The following PDXDC1 variants were observed in gnomAD, a reference collection of about 807,000 sequenced individuals.
The protein encoded by PDXDC1 is pyridoxal-dependent decarboxylase domain-containing protein 1.
PDXDC1 carries 42 observed loss-of-function variants against 100.1 expected under a neutral mutation model. The ratio of observed to expected loss-of-function variants is 0.42; its 90% CI spans 0.33 to 0.54. PDXDC1 has a LOEUF of 0.54. Ranked by LOEUF, PDXDC1 falls within the 20% of genes least tolerant of loss-of-function variation. The pLI is 0.10. For synonymous variants in PDXDC1, 260 were observed against 371.7 expected (o/e 0.70, Z 3.46); for missense variants, 636 against 979.2 (o/e 0.65, Z 4.68).
At chr16:15,016,294 T>G (rs2041792217) in intron 9 of PDXDC1, 81 bp downstream of exon 9, 4 of 1,558,954 alleles carry the variant, frequency 2.6e-6, no homozygotes, top group Middle Eastern at 1.7e-4. Context: ...GCTCTCACTT[T>G]GGTGACATTT....
At chr16:15,144,940 G>A in the PDXDC1 span, among the ~76,000 whole-genome samples, 1 of 152,170 alleles carries the variant, frequency 6.6e-6, no homozygotes, top group Non-Finnish European at 1.5e-5. Context: ...ATGAGGGCCG[G>A]CTCCTGGTGC....
intron 16 of PDXDC1, among the ~76,000 whole-genome samples, chr16:15,117,549 T>C (rs1251420562): frequency 1.3e-5 from 2 of 151,236 alleles, no homozygotes; most frequent in East Asian, 2.0e-4. Flanking sequence ...ACAAATTAGC[T>C]GGGCATGGTG....
downstream of PDXDC1, among the ~76,000 whole-genome samples, chr16:15,143,697 G>A (rs1300012165): frequency 6.6e-6 from 1 of 152,206 alleles, no homozygotes; most frequent in Non-Finnish European, 1.5e-5. Context: ...TGCAACAGTG[G>A]GACTGAGAAC....
chr16:15,030,363 A>T (rs1412070444), intron 16 of PDXDC1, among the ~76,000 whole-genome samples: 4 of 152,114 alleles, frequency 2.6e-5, no homozygotes, highest in Admixed American at 6.5e-5. Context: ...TGGCCAACAT[A>T]GTGAAATCCC....
chr16:15,125,174 A>G (rs1387757574), intron 16 of PDXDC1: 11 of 553,530 alleles, frequency 2.0e-5, no homozygotes, highest in Non-Finnish European at 3.4e-5. Context: ...AAAAAAAAAA[A>G]AAAAAGAAGC....
chr16:15,053,352 A>G (rs1396439164), intron 16 of PDXDC1, among the ~76,000 whole-genome samples: 1 of 152,150 alleles, frequency 6.6e-6, no homozygotes, highest in Admixed American at 6.5e-5. Context: ...CCACTGTATG[A>G]CTTATTGTTA....
chr16:15,094,076 A>C lies in PDXDC1; in HGVS notation c.1400-44803A>C, dbSNP rs2046251204. 17 of 1,385,104 alleles carry C rather than the reference A, an allele frequency of 1.2e-5. 1 individual carries two copies. In the South Asian group the frequency reaches 2.1e-4, roughly 17 times the overall value. The allele number at this position is 1,385,104 out of a possible 1,614,324, so 85.8% of individuals were successfully genotyped here. On this transcript the variant is annotated intron_variant, in intron 16 of 16. Transcript: ENST00000535621. ...ATGAGCTTTGTCCCACATCCTTTCA[A>C]TCCGCTCCTCTAAGCGCCGTCCTGA...
At chr16:14,994,958 T>TAAGA (rs1453715384) in intron 1 of PDXDC1, among the ~76,000 whole-genome samples, 3 of 152,302 alleles carry the variant, frequency 2.0e-5, no homozygotes, top group Non-Finnish European at 4.4e-5. Flanking sequence ...TATTGGTGTA[T>TAAGA]AAGAATGCTT....
chr16:15,145,214 G>A, the PDXDC1 span, among the ~76,000 whole-genome samples: 4 of 152,222 alleles, frequency 2.6e-5, no homozygotes, highest in African/African-American at 7.2e-5. Flanking sequence ...ATCTGCGCCC[G>A]GCTGTGCGGG....
chr16:15,085,818 C>T lies in PDXDC1; in HGVS notation c.1400-53061C>T, dbSNP rs566605107. 11 of 1,404,534 alleles carry T rather than the reference C, an allele frequency of 7.8e-6. 1 individual carries two copies. The South Asian group carries it at 1.4e-4, about 18-fold the overall frequency. 87.0% of individuals were successfully genotyped at this position (1,404,534 alleles called of 1,614,324 possible). On this transcript the variant is annotated intron_variant, in intron 16 of 16. Coordinates refer to the PDXDC1 transcript ENST00000535621. The stretch of plus-strand genomic sequence containing the variant: ...ATAAAAAAAGTTATTTTTCCATAAT[C>T]CAAAGTTAGCCCAATGATTAATTAA...
chr16:15,127,887 G>A lies in PDXDC1; in HGVS notation c.1400-10992G>A, dbSNP rs1422335272. The A allele has an allele frequency of 1.9e-6, 3 of 1,545,146 alleles. No individual in the cohort carries two copies. In the Admixed American group the frequency reaches 5.8e-5, roughly 30 times the overall value. ...CCAGCAGGCGCCGGAAGCGCAACAG[G>A]GCTGCGTGACCTAGAAGGCAGGGAG... On this transcript the variant is annotated intron_variant, in intron 16 of 16. Transcript: ENST00000535621.
intron 16 of PDXDC1, among the ~76,000 whole-genome samples, chr16:15,093,718 G>T (rs537499384): frequency 3.3e-5 from 5 of 152,278 alleles, no homozygotes; most frequent in Admixed American, 3.3e-4. Context: ...TAAAGACTGC[G>T]AAACAAATAC....
chr16:15,122,827 G>GAGGGGAAGGGC (rs2047493869), intron 16 of PDXDC1, among the ~76,000 whole-genome samples: 1 of 117,050 alleles, frequency 8.5e-6, no homozygotes, highest in African/African-American at 3.2e-5. Context: ...TGGGGAGGGG[G>GAGGGGAAGGGC]AGGGGAAGGG....
At chr16:15,076,151 A>T (rs2045446019) in intron 16 of PDXDC1, among the ~76,000 whole-genome samples, 1 of 152,148 alleles carries the variant, frequency 6.6e-6, no homozygotes, top group Non-Finnish European at 1.5e-5. Context: ...AGGGCACCTG[A>T]ATCCCTGTCT....
chr16:14,987,570 T>C (rs1969665614), intron 1 of PDXDC1, among the ~76,000 whole-genome samples: 1 of 152,290 alleles, frequency 6.6e-6, no homozygotes, highest in Non-Finnish European at 1.5e-5. Context: ...TCAGAAATTA[T>C]TTGACATTCT....
intron 16 of PDXDC1, among the ~76,000 whole-genome samples, chr16:15,046,410 C>A (rs1000829647): frequency 6.6e-6 from 1 of 152,154 alleles, no homozygotes; most frequent in Admixed American, 6.5e-5. Context: ...GAACAGTGGT[C>A]TTGACAGCAG....
At chr16:15,044,750 G>A (rs1441922380) in intron 16 of PDXDC1, 1 of 262,402 alleles carries the variant, frequency 3.8e-6, no homozygotes, top group Non-Finnish European at 7.3e-6. Flanking sequence ...TTGGGAGGCT[G>A]AGGTGGGCGG....
intron 16 of PDXDC1, chr16:15,084,655 T>C (rs759038667): frequency 3.0e-5 from 49 of 1,610,426 alleles, no homozygotes; most frequent in Middle Eastern, 1.7e-4. Context: ...GGTACATATC[T>C]TGCTATTATT....
chr16:14,977,937 TA>T (rs1294643161), intron 1 of PDXDC1, among the ~76,000 whole-genome samples: 21 of 152,292 alleles, frequency 1.4e-4, no homozygotes, highest in African/African-American at 4.8e-4. Context: ...TCTCTCACTT[TA>T]AAATGTATGT....
Sources: allele counts gnomAD v4.1 joint callset (sites outside exome capture counted in the v4.1 genomes callset), GRCh38; gene constraint gnomAD v4.1.1; transcripts MANE v1.5; gene names NCBI Gene and HGNC (gene_info 2026-07-23, HGNC 2026-07-21).